The following SPIRE2 variants were observed in gnomAD, a reference collection of about 807,000 sequenced individuals.
SPIRE2 encodes protein spire homolog 2.
In SPIRE2, 76 loss-of-function variants were observed where a neutral mutation model predicts 80.7. The observed-to-expected ratio is 0.94, with a 90% confidence interval of 0.78 to 1.14. The LOEUF (loss-of-function observed/expected upper bound fraction) is 1.14, where lower values mean the gene tolerates loss of function less well. Among genes scored for constraint, SPIRE2 ranks in the 50% most tolerant of loss-of-function variants. SPIRE2 has a pLI of 0.00. For missense variants in SPIRE2, 1,196 were observed against 1,015.3 expected (o/e 1.18, Z -2.42); for synonymous variants, 535 against 432.6 (o/e 1.24, Z -2.94).
chr16:89,861,339 G>C (rs2041742963), intron 10 of SPIRE2, among the ~76,000 whole-genome samples: 2 of 152,226 alleles, frequency 1.3e-5, no homozygotes, highest in South Asian at 4.1e-4. Flanking sequence ...AGGTGTTGGA[G>C]GGATGTGAAC....
At chr16:89,835,499 G>A (rs994381047) in intron 1 of SPIRE2, among the ~76,000 whole-genome samples, 1 of 152,182 alleles carries the variant, frequency 6.6e-6, no homozygotes, top group African/African-American at 2.4e-5. Flanking sequence ...AGCAACAGGG[G>A]TATTGGAGTG....
At position 89,863,959 on chromosome 16, in the gene SPIRE2, T is replaced by C; in HGVS notation, c.1778+98T>C. 2.3e-6 allele frequency: 2 copies of C among 862,624 alleles called. No homozygotes were observed. The highest frequency in any genetic ancestry group is 1.6e-5 in the South Asian group (1 of 62,312). 53.4% of individuals were successfully genotyped at this position (862,624 alleles called of 1,614,324 possible). The stretch of plus-strand genomic sequence containing the variant: ...AGAACTTCCTGTGATTCCAGGAATG[T>C]TCTAGCATGTTCGATGGCTGATGAG... On this transcript the variant is annotated intron_variant, in intron 12 of 14. Coordinates refer to ENST00000378247, the MANE Select transcript of SPIRE2 (RefSeq NM_032451.2). This position sits in a 1 kb window ranked among gnomAD's most constrained non-coding sequence, Gnocchi z 4.3.
Position 89,870,437 on chromosome 16 carries a change from G to C in SPIRE2, c.*165G>C. 1 of 567,926 alleles carries C rather than the reference G, an allele frequency of 1.8e-6. No homozygotes were observed. Among genetic ancestry groups the C allele is most frequent in the Non-Finnish European group, 3.1e-6 (1 of 321,746 alleles). The allele number at this position is 567,926 out of a possible 1,614,324, so 35.2% of individuals were successfully genotyped here. A position where few individuals can be genotyped will look rare whatever the true frequency, so the allele number is the denominator to read the frequency against. ...TGTTTCCTGGCCCCAGAGCTCATTT[G>C]GGTTCAGGCGCACTTCAAAACCCTC... On this transcript the variant is annotated 3_prime_UTR_variant, in exon 15 of 15. Coordinates refer to ENST00000378247, the MANE Select transcript of SPIRE2 (RefSeq NM_032451.2).
chr16:89,858,013 G>A (rs1458216031), intron 7 of SPIRE2, among the ~76,000 whole-genome samples: 10 of 151,536 alleles, frequency 6.6e-5, no homozygotes, highest in Non-Finnish European at 2.9e-5. Context: ...TTCCCGAGTA[G>A]CTGGGACTAC....
intron 1 of SPIRE2, among the ~76,000 whole-genome samples, chr16:89,840,155 G>A (rs62056066): frequency 0.061 from 9,244 of 152,070 alleles, 443 homozygotes; most frequent in East Asian, 0.23. Context: ...CCTCCCTGCA[G>A]TGTGGGACGA....
At chr16:89,858,288 G>A in intron 7 of SPIRE2, 50 bp from the exon 8 acceptor site, 1 of 1,500,956 alleles carries the variant, frequency 6.7e-7, no homozygotes, top group Non-Finnish European at 8.9e-7. Flanking sequence ...GCTCCTGCCT[G>A]CTGTCTCCCC....
chr16:89,839,330 C>T (rs1446638034), intron 1 of SPIRE2, among the ~76,000 whole-genome samples: 2 of 149,958 alleles, frequency 1.3e-5, no homozygotes, highest in East Asian at 2.0e-4. Flanking sequence ...GCCGAGATCG[C>T]GCCACTGCAC....
Position 89,828,872 on chromosome 16 carries a change from G to A in SPIRE2, c.244+78G>A, listed in dbSNP as rs1249919153. 1.2e-5 allele frequency: 13 copies of A among 1,099,172 alleles called. No individual in the cohort carries two copies. Among genetic ancestry groups the A allele is most frequent in the Non-Finnish European group, 1.5e-5 (13 of 888,098 alleles). The allele number at this position is 1,099,172 out of a possible 1,614,324, so 68.1% of individuals were successfully genotyped here. On this transcript the variant is annotated intron_variant, in intron 1 of 14. Coordinates refer to ENST00000378247, the MANE Select transcript of SPIRE2 (RefSeq NM_032451.2). This position sits in a 1 kb window ranked among gnomAD's most constrained non-coding sequence, Gnocchi z 5.9. The stretch of plus-strand genomic sequence containing the variant: ...CCGCCCCCTGGGTGGGGGTGGTCCC[G>A]GCGGAGAGGCTGCGACCGGTTCTGG...
intron 6 of SPIRE2, chr16:89,855,903 G>C: frequency 9.9e-7 from 1 of 1,009,506 alleles, no homozygotes. Flanking sequence ...GGCCATGTGA[G>C]CCATGCCCAC....
At chr16:89,838,548 A>G (rs1180482913) in intron 1 of SPIRE2, among the ~76,000 whole-genome samples, 2 of 152,114 alleles carry the variant, frequency 1.3e-5, no homozygotes. Flanking sequence ...AGCTCAGGGA[A>G]GCACGGTGAG....
intron 1 of SPIRE2, among the ~76,000 whole-genome samples, chr16:89,843,004 C>A (rs1206645855): frequency 1.3e-5 from 2 of 152,240 alleles, no homozygotes; most frequent in African/African-American, 4.8e-5. Context: ...GATTTCATGG[C>A]TTAGATATAG....
At chr16:89,839,222 A>G (rs1177689829) in intron 1 of SPIRE2, among the ~76,000 whole-genome samples, 3 of 152,034 alleles carry the variant, frequency 2.0e-5, no homozygotes, top group Non-Finnish European at 2.9e-5. Flanking sequence ...AAAATACAAA[A>G]AATTAGCTGG....
intron 1 of SPIRE2, among the ~76,000 whole-genome samples, chr16:89,839,100 G>C (rs2041478648): frequency 6.6e-6 from 1 of 152,106 alleles, no homozygotes; most frequent in African/African-American, 2.4e-5. Flanking sequence ...CCAGCACTTT[G>C]GGAGGCCAAG....
At chr16:89,864,944 G>C (rs2041776142) in intron 12 of SPIRE2, among the ~76,000 whole-genome samples, 1 of 151,298 alleles carries the variant, frequency 6.6e-6, no homozygotes, top group Non-Finnish European at 1.5e-5. Context: ...AAGTAGTGTT[G>C]ATAACAGCAG....
chr16:89,834,960 G>T (rs1052273624), intron 1 of SPIRE2, among the ~76,000 whole-genome samples: 3 of 146,480 alleles, frequency 2.0e-5, no homozygotes, highest in African/African-American at 7.7e-5. Flanking sequence ...GCGGCTGGCC[G>T]TCGTAGAAGG....
chr16:89,853,952 A>C (rs1384005802), intron 3 of SPIRE2, among the ~76,000 whole-genome samples: 12 of 152,248 alleles, frequency 7.9e-5, no homozygotes, highest in Admixed American at 7.9e-4. Flanking sequence ...GCTGAGCCCC[A>C]GACGCTACTC....
intron 5 of SPIRE2, 89 bp downstream of exon 5, chr16:89,854,740 GC>G: frequency 7.5e-7 from 1 of 1,332,202 alleles, no homozygotes; most frequent in Non-Finnish European, 1.0e-6. Flanking sequence ...ATGTTGGGCA[GC>G]CCACCCCAGA....
chr16:89,843,501 T>C (rs141566405), intron 1 of SPIRE2, among the ~76,000 whole-genome samples: 2 of 151,220 alleles, frequency 1.3e-5, no homozygotes, highest in African/African-American at 4.9e-5. Flanking sequence ...CCGACTTACC[T>C]GCTCTGCAAA....
At chr16:89,830,015 A>G (rs7186561) in intron 1 of SPIRE2, among the ~76,000 whole-genome samples, 95,988 of 150,846 alleles carry the variant, frequency 0.64, 33,225 homozygotes, top group East Asian at 0.98. Flanking sequence ...GAGCAGGAGG[A>G]GGCTGTAGGC....
Sources: allele counts gnomAD v4.1 joint callset (sites outside exome capture counted in the v4.1 genomes callset), GRCh38; gene constraint gnomAD v4.1.1; non-coding constraint Gnocchi (gnomAD v3.1); transcripts MANE v1.5; gene names NCBI Gene and HGNC (gene_info 2026-07-23, HGNC 2026-07-21).